BAZ2B: variants seen among roughly 807,000 people sequenced by gnomAD.
BAZ2B encodes bromodomain adjacent to zinc finger domain 2B.
In BAZ2B, 91 loss-of-function variants were observed where a neutral mutation model predicts 246.0. The ratio of observed to expected loss-of-function variants is 0.37; its 90% CI spans 0.31 to 0.44. The LOEUF is 0.44. Ranked by LOEUF, BAZ2B falls within the 20% of genes least tolerant of loss-of-function variation. The pLI is 1.00. For synonymous variants in BAZ2B, 855 were observed against 860.0 expected, an observed-to-expected ratio of 0.99 and a Z score of 0.10; for missense variants, 2,332 against 2,533.7, an observed-to-expected ratio of 0.92 and a Z score of 1.71.
rs1191617184 is a variant in BAZ2B, at chr2:159,382,662, T to G, written c.3902A>C (p.Asp1301Ala). 6.2e-7 allele frequency: 1 copy of G among 1,602,840 alleles called. No individual in the cohort carries two copies. The highest frequency in any genetic ancestry group is 1.3e-5 in the African/African-American group (1 of 74,736). Residue 1301 changes from aspartate (D) to alanine (A), a missense_variant, in exon 25 of 37, where the codon GAT (aspartate) becomes GCT (alanine). Around this residue, in one of 9 missense-constraint regions of BAZ2B, gnomAD observed 676 missense variants for 668.6 expected, o/e 1.01. Coordinates refer to ENST00000392783, the MANE Select transcript of BAZ2B (RefSeq NM_013450.4). ...GTCATCACTGTCATCGTCATCATCA[T>G]CGTCATAATCACTGTCTCCTCCCTT... ...RRKGGDSDYD[D>A]DDDDDSDDQG...
chr2:159,345,307 T>C (rs2067595623), intron 31 of BAZ2B, among the ~76,000 whole-genome samples: 5 of 150,462 alleles, frequency 3.3e-5, no homozygotes, highest in Non-Finnish European at 2.9e-5. Context: ...ATAATATATA[T>C]TGTTTCAAGT....
intron 4 of BAZ2B, among the ~76,000 whole-genome samples, chr2:159,448,701 T>G (rs547341467): frequency 5.3e-5 from 8 of 152,338 alleles, no homozygotes; most frequent in African/African-American, 1.9e-4. Flanking sequence ...AAACTTGGAA[T>G]ATAAAAGAAG....
intron 2 of BAZ2B, among the ~76,000 whole-genome samples, chr2:159,511,607 G>C (rs1476012806): frequency 2.0e-5 from 3 of 152,080 alleles, no homozygotes; most frequent in Non-Finnish European, 4.4e-5. Context: ...ATTTTTTTCT[G>C]ATCAACCAGT....
chr2:159,530,926 C>T (rs976392832), intron 2 of BAZ2B, among the ~76,000 whole-genome samples: 3 of 152,036 alleles, frequency 2.0e-5, no homozygotes, highest in Admixed American at 6.6e-5. Flanking sequence ...GCCAAGAATG[C>T]GCCACTGCAC....
At chr2:159,684,315 C>A in the BAZ2B span, among the ~76,000 whole-genome samples, 1 of 152,214 alleles carries the variant, frequency 6.6e-6, no homozygotes, top group African/African-American at 2.4e-5. Flanking sequence ...ATTTTCACTT[C>A]TCTTGAGTAA....
chr2:159,657,186 T>C, the BAZ2B span, among the ~76,000 whole-genome samples: 2 of 152,188 alleles, frequency 1.3e-5, no homozygotes, highest in African/African-American at 2.4e-5. Flanking sequence ...TATGTTTATA[T>C]TCTTTCTTTT....
intron 32 of BAZ2B, among the ~76,000 whole-genome samples, 172 bp from the exon 33 acceptor site, chr2:159,337,249 C>T (rs1437120343): frequency 6.6e-6 from 1 of 152,116 alleles, no homozygotes; most frequent in Non-Finnish European, 1.5e-5. Context: ...CTACGTGCCT[C>T]AAAGCTTAGT....
intron 33 of BAZ2B, among the ~76,000 whole-genome samples, chr2:159,333,893 T>A (rs1277724609): frequency 1.3e-5 from 2 of 152,120 alleles, no homozygotes; most frequent in African/African-American, 4.8e-5. Flanking sequence ...ATTGGCGCGG[T>A]TACCAAGGGC....
At chr2:159,633,068 A>G in the BAZ2B span, among the ~76,000 whole-genome samples, 1 of 152,176 alleles carries the variant, frequency 6.6e-6, no homozygotes, top group Non-Finnish European at 1.5e-5. Flanking sequence ...ATTATTTGTG[A>G]ATTGTATGAT....
chr2:159,709,647 C>T, the BAZ2B span, among the ~76,000 whole-genome samples: 1 of 152,196 alleles, frequency 6.6e-6, no homozygotes, highest in South Asian at 2.1e-4. Context: ...TTCAATGTCC[C>T]ACCATTTATG....
At chr2:159,658,336 A>G in the BAZ2B span, among the ~76,000 whole-genome samples, 1 of 152,036 alleles carries the variant, frequency 6.6e-6, no homozygotes, top group Non-Finnish European at 1.5e-5. Context: ...TTTAGTAGAA[A>G]AAAAACATTT....
At chr2:159,467,150 A>G (rs2077163324) in intron 3 of BAZ2B, among the ~76,000 whole-genome samples, 1 of 152,214 alleles carries the variant, frequency 6.6e-6, no homozygotes, top group African/African-American at 2.4e-5. Context: ...AGGCTGAAAG[A>G]TAAGGGGTCA....
the BAZ2B span, among the ~76,000 whole-genome samples, chr2:159,656,015 A>T: frequency 6.6e-6 from 1 of 152,032 alleles, no homozygotes; most frequent in African/African-American, 2.4e-5. Context: ...TCATCTTTGC[A>T]TATCTAGTAG....
At chr2:159,699,996 C>T in the BAZ2B span, among the ~76,000 whole-genome samples, 2 of 152,184 alleles carry the variant, frequency 1.3e-5, no homozygotes, top group Admixed American at 1.3e-4. Flanking sequence ...AGTGAACCCA[C>T]TCCCCTCAAG....
At chr2:159,547,197 T>C (rs930048143) in intron 2 of BAZ2B, among the ~76,000 whole-genome samples, 4 of 152,212 alleles carry the variant, frequency 2.6e-5, no homozygotes, top group African/African-American at 9.6e-5. Context: ...ATACTTTGCA[T>C]GTTGTAAAGT....
intron 2 of BAZ2B, among the ~76,000 whole-genome samples, chr2:159,528,144 T>A (rs2084953096): frequency 1.3e-5 from 2 of 152,248 alleles, no homozygotes; most frequent in South Asian, 4.1e-4. Flanking sequence ...ATAAGGAGTT[T>A]AAGTAGGTAA....
chr2:159,473,866 T>C (rs1402893853), intron 3 of BAZ2B, among the ~76,000 whole-genome samples: 1 of 152,172 alleles, frequency 6.6e-6, no homozygotes, highest in African/African-American at 2.4e-5. Context: ...TGCAGTTGTG[T>C]GGTTTTGGGT....
chr2:159,561,115 A>G (rs1225138017), intron 1 of BAZ2B, among the ~76,000 whole-genome samples: 1 of 152,130 alleles, frequency 6.6e-6, no homozygotes, highest in Non-Finnish European at 1.5e-5. Context: ...ACCAAATCTC[A>G]TGTTGAAATT....
At chr2:159,529,001 A>G (rs1234237053) in intron 2 of BAZ2B, among the ~76,000 whole-genome samples, 1 of 151,064 alleles carries the variant, frequency 6.6e-6, no homozygotes, top group East Asian at 2.0e-4. Flanking sequence ...ATTAGGAGAT[A>G]TACCTAATGT....
Sources: gnomAD v4.1 joint callset for allele counts (sites outside exome capture counted in the v4.1 genomes callset) on GRCh38, gnomAD v4.1.1 for gene constraint, gnomAD v4.1.1 regional missense constraint, MANE v1.5 for transcripts, NCBI Gene and HGNC (gene_info 2026-07-23, HGNC 2026-07-21) for gene names.